Variants in TAFA1 observed in about 807,000 individuals in gnomAD.
The protein encoded by TAFA1 is TAFA chemokine like family member 1.
A neutral mutation model predicts 18.5 loss-of-function variants in TAFA1; 4 were observed. The ratio of observed to expected loss-of-function variants is 0.22; its 90% CI spans 0.11 to 0.49. The LOEUF is 0.49. Ranked by LOEUF, TAFA1 falls within the 20% of genes least tolerant of loss-of-function variation. The pLI, the probability that TAFA1 is intolerant of heterozygous loss-of-function variation, is 0.98. For missense variants in TAFA1, 147 were observed against 169.0 expected (o/e 0.87, Z 0.72); for synonymous variants, 56 against 55.2 (o/e 1.01, Z -0.06).
intron 2 of TAFA1, among the ~76,000 whole-genome samples, chr3:68,011,088 C>T (rs1293723564): frequency 8.4e-6 from 1 of 119,188 alleles, no homozygotes; most frequent in Admixed American, 1.2e-4. Flanking sequence ...TGAATTAGGA[C>T]AGCAATTTTG....
chr3:68,479,813 A>C (rs1486653755), intron 3 of TAFA1, among the ~76,000 whole-genome samples: 1 of 152,220 alleles, frequency 6.6e-6, no homozygotes, highest in East Asian at 1.9e-4. Context: ...TGGATGGTTC[A>C]TAGGCCAGAA....
intron 3 of TAFA1, among the ~76,000 whole-genome samples, chr3:68,501,154 GAAAAAAAA>G (rs57247656): frequency 1.4e-4 from 13 of 91,634 alleles, no homozygotes; most frequent in African/African-American, 5.6e-4. Context: ...GACCCTGTCT[GAAAAAAAA>G]AAAAAAAAAA....
intron 3 of TAFA1, among the ~76,000 whole-genome samples, chr3:68,418,076 CA>C (rs1332815081): frequency 6.6e-6 from 1 of 152,032 alleles, no homozygotes; most frequent in Admixed American, 6.6e-5. Context: ...AGGTCCAGCT[CA>C]TTTGGGAAAT....
chr3:68,364,991 T>G (rs573257857), intron 2 of TAFA1, among the ~76,000 whole-genome samples: 11 of 152,314 alleles, frequency 7.2e-5, no homozygotes, highest in African/African-American at 2.6e-4. Context: ...AAGGTGATAA[T>G]CGGCTTGTCT....
intron 2 of TAFA1, among the ~76,000 whole-genome samples, chr3:68,108,437 TGTGTGTG>T (rs2065227957): frequency 3.7e-5 from 1 of 27,202 alleles, no homozygotes; most frequent in South Asian, 1.5e-3. Context: ...TATTTGAAGG[TGTGTGTG>T]TGTGTGTGTG....
intron 2 of TAFA1, among the ~76,000 whole-genome samples, chr3:68,255,877 G>C (rs1295837642): frequency 2.6e-5 from 4 of 152,050 alleles, no homozygotes; most frequent in Non-Finnish European, 4.4e-5. Flanking sequence ...TGATATTTCA[G>C]TGTTAACAAA....
chr3:68,312,053 G>T (rs2068529898), intron 2 of TAFA1, among the ~76,000 whole-genome samples: 2 of 152,222 alleles, frequency 1.3e-5, no homozygotes, highest in African/African-American at 2.4e-5. Flanking sequence ...AAGGCTTGCA[G>T]CTTCCACCCT....
chr3:68,016,851 A>G (rs1374070203), intron 2 of TAFA1, among the ~76,000 whole-genome samples: 1 of 152,206 alleles, frequency 6.6e-6, no homozygotes, highest in African/African-American at 2.4e-5. Context: ...GCATCATTTT[A>G]TAATATAAGA....
chr3:68,035,050 T>A (rs1363979299), intron 2 of TAFA1, among the ~76,000 whole-genome samples: 1 of 152,188 alleles, frequency 6.6e-6, no homozygotes, highest in East Asian at 1.9e-4. Context: ...GACTTTTATA[T>A]TCCCCCTACT....
intron 2 of TAFA1, among the ~76,000 whole-genome samples, chr3:68,059,281 C>T: frequency 6.6e-6 from 1 of 152,148 alleles, no homozygotes. Flanking sequence ...CACACACACA[C>T]ACACACCAGA....
intron 2 of TAFA1, among the ~76,000 whole-genome samples, chr3:68,111,062 C>T (rs1229245328): frequency 6.6e-6 from 1 of 152,148 alleles, no homozygotes; most frequent in Admixed American, 6.6e-5. Flanking sequence ...GGCATAGCTG[C>T]CAAGCTGAAA....
chr3:68,156,311 T>C (rs749435509), intron 2 of TAFA1, among the ~76,000 whole-genome samples: 5 of 152,174 alleles, frequency 3.3e-5, no homozygotes, highest in African/African-American at 4.8e-5. Context: ...TAAGAAGGAA[T>C]GAGGATCCAA....
chr3:68,115,013 A>G (rs565877206), intron 2 of TAFA1, among the ~76,000 whole-genome samples: 2 of 152,342 alleles, frequency 1.3e-5, no homozygotes, highest in Non-Finnish European at 2.9e-5. Flanking sequence ...CAATAACATA[A>G]TTTATAGTTC....
chr3:68,396,506 G>C (rs71310802), intron 2 of TAFA1, among the ~76,000 whole-genome samples: 5,942 of 152,198 alleles, frequency 0.039, 145 homozygotes, highest in Middle Eastern at 0.071. Context: ...ATCTTCTTTG[G>C]TGACTGGCTG....
At chr3:68,401,002 A>G (rs1035973488) in intron 2 of TAFA1, among the ~76,000 whole-genome samples, 8 of 152,364 alleles carry the variant, frequency 5.3e-5, no homozygotes, top group Non-Finnish European at 4.4e-5. Flanking sequence ...TTGTGTTGGC[A>G]ACAGCAATTT....
chr3:68,016,575 A>T (rs768174738), intron 2 of TAFA1, among the ~76,000 whole-genome samples: 33 of 152,214 alleles, frequency 2.2e-4, no homozygotes, highest in Non-Finnish European at 4.1e-4. Context: ...AATAATCTAT[A>T]TCATATAGCC....
At chr3:68,048,938 T>G (rs1364174063) in intron 2 of TAFA1, among the ~76,000 whole-genome samples, 1 of 152,212 alleles carries the variant, frequency 6.6e-6, no homozygotes, top group African/African-American at 2.4e-5. Flanking sequence ...TGCAGATATC[T>G]CTTTGATATA....
At chr3:68,013,824 A>T (rs1704520082) in intron 2 of TAFA1, among the ~76,000 whole-genome samples, 1 of 152,208 alleles carries the variant, frequency 6.6e-6, no homozygotes, top group Non-Finnish European at 1.5e-5. Context: ...GGTCCAAAAA[A>T]GAAAAGAAAA....
At chr3:68,245,639 C>T (rs796820148) in intron 2 of TAFA1, among the ~76,000 whole-genome samples, 17 of 152,272 alleles carry the variant, frequency 1.1e-4, no homozygotes, top group African/African-American at 3.6e-4. Flanking sequence ...ATACTTTGGT[C>T]ACCTTTAGCA....
Sources: gnomAD v4.1 joint callset for allele counts (sites outside exome capture counted in the v4.1 genomes callset) on GRCh38, gnomAD v4.1.1 for gene constraint, MANE v1.5 for transcripts, NCBI Gene and HGNC (gene_info 2026-07-23, HGNC 2026-07-21) for gene names.